The following ITFG1 variants were observed in gnomAD, a reference collection of about 807,000 sequenced individuals.
ITFG1 encodes the protein T-cell immunomodulatory protein.
In ITFG1, 34 loss-of-function variants were observed where a neutral mutation model predicts 81.8. The ratio of observed to expected loss-of-function variants is 0.42; its 90% CI spans 0.32 to 0.55. The LOEUF (loss-of-function observed/expected upper bound fraction) is 0.55. Among genes scored for constraint, ITFG1 ranks in the 20% least tolerant of loss-of-function variants. The probability of loss-of-function intolerance (pLI) is 0.17; values close to 1 mark genes in which losing one functional copy is unlikely to be tolerated. For missense variants in ITFG1, 672 were observed against 755.4 expected (o/e 0.89, Z 1.29); for synonymous variants, 285 against 270.6 (o/e 1.05, Z -0.52).
At chr16:47,421,272 A>G (rs901184936) in intron 6 of ITFG1, among the ~76,000 whole-genome samples, 28 of 123,868 alleles carry the variant, frequency 2.3e-4, no homozygotes, top group East Asian at 4.6e-4. Context: ...ATACATATGC[A>G]CACACACACA....
chr16:47,244,656 C>T (rs185362528), intron 12 of ITFG1, among the ~76,000 whole-genome samples: 3 of 110,890 alleles, frequency 2.7e-5, no homozygotes, highest in Admixed American at 1.0e-4. Flanking sequence ...TGTGTATTTA[C>T]CCCTCTGTAT....
At chr16:47,345,916 A>ATTT (rs1967847975) in intron 8 of ITFG1, among the ~76,000 whole-genome samples, 3 of 152,210 alleles carry the variant, frequency 2.0e-5, no homozygotes, top group Admixed American at 2.0e-4. Flanking sequence ...ATGGGCACGA[A>ATTT]TAGAGAAGTA....
At chr16:47,191,489 AG>A (rs1965292268) in intron 14 of ITFG1, among the ~76,000 whole-genome samples, 1 of 151,968 alleles carries the variant, frequency 6.6e-6, no homozygotes, top group Non-Finnish European at 1.5e-5. Context: ...AGTTTGGCCC[AG>A]GGAAGCCAAA....
chr16:47,193,224 T>TAA (rs1965314933), intron 14 of ITFG1, among the ~76,000 whole-genome samples: 4 of 151,188 alleles, frequency 2.6e-5, no homozygotes, highest in African/African-American at 9.7e-5. Flanking sequence ...TAAAAAAATT[T>TAA]TTTTTTTTTT....
chr16:47,308,097 G>T (rs1024093954), intron 10 of ITFG1, among the ~76,000 whole-genome samples: 1 of 152,114 alleles, frequency 6.6e-6, no homozygotes. Context: ...GAATAGTGCC[G>T]CAATGAACAT....
At chr16:47,324,457 T>C (rs1967498991) in intron 8 of ITFG1, among the ~76,000 whole-genome samples, 1 of 152,168 alleles carries the variant, frequency 6.6e-6, no homozygotes, top group African/African-American at 2.4e-5. Flanking sequence ...GCTAACATCA[T>C]AATGACAGGA....
chr16:47,160,954 A>G (rs1355992343), intron 16 of ITFG1, among the ~76,000 whole-genome samples: 1 of 152,192 alleles, frequency 6.6e-6, no homozygotes, highest in Non-Finnish European at 1.5e-5. Context: ...GAGGGAATGT[A>G]ACAAGCAGGG....
intron 12 of ITFG1, among the ~76,000 whole-genome samples, chr16:47,248,293 T>G (rs1191172679): frequency 6.6e-6 from 1 of 152,196 alleles, no homozygotes; most frequent in South Asian, 2.1e-4. Flanking sequence ...TCAGTGCTCA[T>G]GGTGGTTATA....
At chr16:47,156,500 C>T (rs1157519278) in intron 17 of ITFG1, among the ~76,000 whole-genome samples, 1 of 152,106 alleles carries the variant, frequency 6.6e-6, no homozygotes, top group African/African-American at 2.4e-5. Context: ...CTAATACTCC[C>T]AATACCAATA....
At chr16:47,181,848 TTCTGC>T (rs1418387258) in intron 14 of ITFG1, among the ~76,000 whole-genome samples, 1 of 152,210 alleles carries the variant, frequency 6.6e-6, no homozygotes, top group African/African-American at 2.4e-5. Context: ...AGAAAAATTA[TTCTGC>T]CTTGGGATCC....
chr16:47,423,894 C>A (rs965188969), intron 6 of ITFG1, among the ~76,000 whole-genome samples: 8 of 152,152 alleles, frequency 5.3e-5, no homozygotes, highest in African/African-American at 1.9e-4. Context: ...GTGAATCTGA[C>A]AATTATGTGT....
chr16:47,278,428 C>T (rs369828998), intron 10 of ITFG1, among the ~76,000 whole-genome samples: 72 of 152,218 alleles, frequency 4.7e-4, no homozygotes, highest in African/African-American at 1.6e-3. Context: ...CAGTCTAGGG[C>T]AGGAACAGAA....
At chr16:47,330,376 T>C (rs1967620924) in intron 8 of ITFG1, among the ~76,000 whole-genome samples, 1 of 151,842 alleles carries the variant, frequency 6.6e-6, no homozygotes, top group African/African-American at 2.4e-5. Context: ...TTGGGACATG[T>C]CCCTAGGAAA....
At chr16:47,444,513 G>T (rs993645379) in intron 5 of ITFG1, among the ~76,000 whole-genome samples, 1 of 151,988 alleles carries the variant, frequency 6.6e-6, no homozygotes, top group African/African-American at 2.4e-5. Flanking sequence ...GGTATATACT[G>T]TAAAAAATTA....
intron 14 of ITFG1, among the ~76,000 whole-genome samples, chr16:47,171,613 A>G (rs1033122078): frequency 3.3e-5 from 5 of 152,100 alleles, no homozygotes; most frequent in Admixed American, 6.6e-5. Context: ...TCCTTATGGT[A>G]TAAAATTAGG....
chr16:47,349,729 C>T (rs1186048458), intron 8 of ITFG1, among the ~76,000 whole-genome samples: 4 of 152,312 alleles, frequency 2.6e-5, no homozygotes, highest in South Asian at 2.1e-4. Flanking sequence ...ATCTACAGAA[C>T]TCTCTACCCC....
intron 14 of ITFG1, among the ~76,000 whole-genome samples, chr16:47,177,340 T>C (rs1251858052): frequency 6.6e-6 from 1 of 152,114 alleles, no homozygotes; most frequent in Non-Finnish European, 1.5e-5. Context: ...CAACTTGGGG[T>C]AATAATTTGT....
chr16:47,177,855 T>C (rs982595675), intron 14 of ITFG1, among the ~76,000 whole-genome samples: 1 of 152,182 alleles, frequency 6.6e-6, no homozygotes, highest in Non-Finnish European at 1.5e-5. Context: ...ATTGCTGAAG[T>C]ATTTAGCTAG....
At chr16:47,271,912 C>T (rs1360579136) in intron 10 of ITFG1, among the ~76,000 whole-genome samples, 1 of 152,030 alleles carries the variant, frequency 6.6e-6, no homozygotes, top group Non-Finnish European at 1.5e-5. Context: ...ATATTCTACT[C>T]CTAGGTATAT....
Sources: gnomAD v4.1 joint callset for allele counts (sites outside exome capture counted in the v4.1 genomes callset) on GRCh38, gnomAD v4.1.1 for gene constraint, MANE v1.5 for transcripts, NCBI Gene and HGNC (gene_info 2026-07-23, HGNC 2026-07-21) for gene names.